The following MACROD2 variants were observed in gnomAD, a reference collection of about 807,000 sequenced individuals.
MACROD2 encodes mono-ADP ribosylhydrolase 2.
MACROD2 carries 36 observed loss-of-function variants against 70.4 expected under a neutral mutation model. The observed-to-expected ratio is 0.51, with a 90% CI of 0.39 to 0.68. MACROD2 has a LOEUF of 0.68. Among genes scored for constraint, MACROD2 ranks in the 30% least tolerant of loss-of-function variants. MACROD2 has a pLI of 0.00. For missense variants in MACROD2, 496 were observed against 538.4 expected (o/e 0.92, Z 0.78); for synonymous variants, 172 against 178.8 (o/e 0.96, Z 0.30).
At chr20:14,348,278 A>AT (rs1555784022) in intron 3 of MACROD2, among the ~76,000 whole-genome samples, 65 of 144,002 alleles carry the variant, frequency 4.5e-4, no homozygotes, top group South Asian at 2.3e-3. Context: ...CAAAAAAAAA[A>AT]AAATAAATAA....
At chr20:15,771,362 T>C (rs80127715) in intron 8 of MACROD2, among the ~76,000 whole-genome samples, 2 of 149,042 alleles carry the variant, frequency 1.3e-5, no homozygotes, top group African/African-American at 5.1e-5. Context: ...TATTTTTTTT[T>C]TGTAAAGATG....
chr20:14,376,210 C>T (rs935139306), intron 3 of MACROD2, among the ~76,000 whole-genome samples: 3 of 152,110 alleles, frequency 2.0e-5, no homozygotes, highest in African/African-American at 7.2e-5. Flanking sequence ...TTTATTTACT[C>T]TTCTTCCTTA....
chr20:14,404,571 G>A (rs984654544), intron 3 of MACROD2, among the ~76,000 whole-genome samples: 6 of 150,120 alleles, frequency 4.0e-5, no homozygotes, highest in African/African-American at 1.2e-4. Flanking sequence ...CACTCCAGCC[G>A]GGGTGACAAA....
chr20:15,309,935 T>C (rs1378818516), intron 6 of MACROD2, among the ~76,000 whole-genome samples: 4 of 152,338 alleles, frequency 2.6e-5, no homozygotes, highest in Non-Finnish European at 5.9e-5. Context: ...GAGTCCAATG[T>C]GGCTTAAGCT....
At chr20:14,520,935 A>G (rs1018404413) in intron 4 of MACROD2, among the ~76,000 whole-genome samples, 5 of 145,434 alleles carry the variant, frequency 3.4e-5, no homozygotes, top group Non-Finnish European at 6.0e-5. Context: ...ATACACACAC[A>G]GACATGCACG....
intron 8 of MACROD2, among the ~76,000 whole-genome samples, chr20:15,508,953 G>A (rs1040007178): frequency 6.6e-6 from 1 of 152,124 alleles, no homozygotes; most frequent in South Asian, 2.1e-4. Flanking sequence ...AAAATGCAAT[G>A]GCCACCCATT....
chr20:14,043,643 G>A (rs1402418891), intron 2 of MACROD2, among the ~76,000 whole-genome samples: 3 of 152,206 alleles, frequency 2.0e-5, no homozygotes, highest in African/African-American at 7.2e-5. Flanking sequence ...GCCTCTCTGT[G>A]CACTGTTAAT....
At chr20:16,016,088 T>C (rs969258144) in intron 15 of MACROD2, among the ~76,000 whole-genome samples, 70 of 152,278 alleles carry the variant, frequency 4.6e-4, no homozygotes, top group African/African-American at 1.6e-3. Flanking sequence ...GGACTAAAAA[T>C]AGGTCTTTTG....
At chr20:15,335,248 T>G (rs965772693) in intron 6 of MACROD2, among the ~76,000 whole-genome samples, 1 of 151,836 alleles carries the variant, frequency 6.6e-6, no homozygotes, top group Non-Finnish European at 1.5e-5. Context: ...ATCTGCATTT[T>G]GCTTCACTCT....
At chr20:15,368,147 G>T (rs1322287816) in intron 6 of MACROD2, among the ~76,000 whole-genome samples, 1 of 152,130 alleles carries the variant, frequency 6.6e-6, no homozygotes, top group African/African-American at 2.4e-5. Flanking sequence ...TAAACTCATT[G>T]GTTCTGAAAA....
chr20:14,669,500 A>T (rs746542806), intron 4 of MACROD2, among the ~76,000 whole-genome samples: 2 of 152,168 alleles, frequency 1.3e-5, no homozygotes, highest in African/African-American at 4.8e-5. Flanking sequence ...ATAAAATGAC[A>T]TATTTACTTC....
chr20:14,599,144 G>T (rs1982327980), intron 4 of MACROD2, among the ~76,000 whole-genome samples: 1 of 152,108 alleles, frequency 6.6e-6, no homozygotes, highest in Non-Finnish European at 1.5e-5. Flanking sequence ...AAGTATATAA[G>T]TATGTATTAA....
intron 10 of MACROD2, among the ~76,000 whole-genome samples, chr20:15,927,099 A>G (rs1352391759): frequency 9.2e-5 from 14 of 152,174 alleles, no homozygotes; most frequent in Non-Finnish European, 1.8e-4. Flanking sequence ...ATTAGTTGAG[A>G]TCAAAGACAC....
rs1231221611 is a variant in MACROD2 at position 15,533,535 on chromosome 20, GTCTCTGTCGCTC to G, written c.645+33694_645+33705del. 3.4e-3 allele frequency among the ~76,000 whole-genome samples: 458 copies of G among 135,932 alleles called. 3 individuals are homozygous for G. Among genetic ancestry groups the G allele is most frequent in the African/African-American group, 0.012 (438 of 36,206 alleles). The allele number at this position is 135,932 out of a possible 152,430, so 89.2% of individuals were successfully genotyped here. On this transcript the variant is annotated intron_variant, in intron 8 of 17. Transcript: ENST00000684519. ...ATCATCTATCCAACTTTCTGTCTCT[GTCTCTGTCGCTC>G]TCTCTCTCTCTCTCTCTCTCTCTCT...
At chr20:15,876,898 C>G (rs912117360) in intron 9 of MACROD2, among the ~76,000 whole-genome samples, 3 of 151,962 alleles carry the variant, frequency 2.0e-5, no homozygotes, top group Admixed American at 6.6e-5. Context: ...GTCTGTTGGT[C>G]AGCCACATGT....
chr20:14,125,796 A>G (rs933497894), intron 3 of MACROD2, among the ~76,000 whole-genome samples: 1 of 152,174 alleles, frequency 6.6e-6, no homozygotes, highest in Non-Finnish European at 1.5e-5. Flanking sequence ...AAAATAGGGT[A>G]AAGATCATGT....
At chr20:14,015,830 A>G (rs1330368659) in intron 2 of MACROD2, among the ~76,000 whole-genome samples, 1 of 152,230 alleles carries the variant, frequency 6.6e-6, no homozygotes, top group Non-Finnish European at 1.5e-5. Flanking sequence ...AAGGCCGAAT[A>G]TTATTACACT....
intron 8 of MACROD2, among the ~76,000 whole-genome samples, chr20:15,570,368 A>C (rs2048361665): frequency 6.6e-6 from 1 of 152,176 alleles, no homozygotes; most frequent in Non-Finnish European, 1.5e-5. Flanking sequence ...GTCTGAGCAA[A>C]GTTCTCTAAT....
intron 3 of MACROD2, among the ~76,000 whole-genome samples, chr20:14,432,612 A>G (rs1274456072): frequency 6.6e-6 from 1 of 152,158 alleles, no homozygotes; most frequent in Non-Finnish European, 1.5e-5. Flanking sequence ...AAAAACCATT[A>G]TGGAAGTACT....
Sources: gnomAD v4.1 joint callset for allele counts (sites outside exome capture counted in the v4.1 genomes callset) on GRCh38, gnomAD v4.1.1 for gene constraint, MANE v1.5 for transcripts, NCBI Gene and HGNC (gene_info 2026-07-23, HGNC 2026-07-21) for gene names.